Variants in CDH8 observed in about 807,000 individuals in gnomAD.
CDH8 encodes cadherin 8.
CDH8 carries 17 observed loss-of-function variants against 68.1 expected under a neutral mutation model. That is an observed-to-expected ratio of 0.25 (90% CI 0.17 to 0.37). The LOEUF is 0.37. Ranked by LOEUF, CDH8 falls within the 10% of genes least tolerant of loss-of-function variation. CDH8 has a pLI of 1.00. For missense variants in CDH8, 763 were observed against 999.3 expected (o/e 0.76, Z 3.19); for synonymous variants, 372 against 365.1 (o/e 1.02, Z -0.21).
rs1251273184 is a variant in CDH8, at chr16:61,960,238, CATGT to C, written c.253-58769_253-58766del. Among the ~76,000 whole-genome samples, 302 of 45,756 alleles carry C rather than the reference CATGT, an allele frequency of 6.6e-3. 66 individuals are homozygous for C. The highest frequency in any genetic ancestry group is 7.6e-3 in the Non-Finnish European group (198 of 26,086). The allele number at this position is 45,756 out of a possible 152,430, so 30.0% of individuals were successfully genotyped here. On this transcript the variant is annotated intron_variant, in intron 2 of 11. Coordinates refer to ENST00000577390, the MANE Select transcript of CDH8 (RefSeq NM_001796.5). ...GTGTGTGTGTATACACACATATATA[CATGT>C]GTGTGTGTATACACATACATATATA...
intron 2 of CDH8, among the ~76,000 whole-genome samples, chr16:61,982,674 C>T (rs1014592880): frequency 6.6e-6 from 1 of 152,184 alleles, no homozygotes; most frequent in African/African-American, 2.4e-5. Flanking sequence ...GGTCCATAGA[C>T]AGTACTCAGT....
intron 2 of CDH8, among the ~76,000 whole-genome samples, chr16:61,963,352 T>C (rs1965191603): frequency 6.6e-6 from 1 of 152,238 alleles, no homozygotes; most frequent in Non-Finnish European, 1.5e-5. Flanking sequence ...ATCTACAACA[T>C]TTTTACTTTT....
At position 61,737,119 on chromosome 16, in the gene CDH8, T is replaced by G. The variant is rs550453227; in HGVS notation, c.1415-9904A>C. ...TGAATTGCCCATTAATTTTGCCCTT[T>G]TATAATGAAAGGTAATGGAATACTG... On this transcript the variant is annotated intron_variant, in intron 8 of 11. Coordinates refer to ENST00000577390, the MANE Select transcript of CDH8 (RefSeq NM_001796.5). Among the ~76,000 whole-genome samples, 3 of 152,288 alleles carry G rather than the reference T, an allele frequency of 2.0e-5. No homozygotes were observed. In the South Asian group the frequency reaches 6.2e-4, roughly 32 times the overall value.
At chr16:61,724,561 A>G (rs1235177624) in intron 9 of CDH8, among the ~76,000 whole-genome samples, 1 of 150,654 alleles carries the variant, frequency 6.6e-6, no homozygotes, top group African/African-American at 2.4e-5. Context: ...CAGGAAGCTG[A>G]TCCCCTGAGT....
intron 2 of CDH8, among the ~76,000 whole-genome samples, chr16:61,932,999 G>C (rs937125609): frequency 1.3e-5 from 2 of 152,112 alleles, no homozygotes; most frequent in Non-Finnish European, 2.9e-5. Flanking sequence ...CCATTCTTTG[G>C]TCAGTATAAA....
intron 2 of CDH8, among the ~76,000 whole-genome samples, chr16:61,917,401 G>T (rs1964258097): frequency 6.6e-6 from 1 of 152,134 alleles, no homozygotes; most frequent in Admixed American, 6.5e-5. Context: ...CTCTGTTCCT[G>T]TCCCTCCTAC....
chr16:62,023,206 C>T (rs537846274), intron 1 of CDH8, among the ~76,000 whole-genome samples: 9 of 152,278 alleles, frequency 5.9e-5, no homozygotes, highest in Admixed American at 5.2e-4. Flanking sequence ...TTGTATCTTT[C>T]TGAATGGTCA....
intron 2 of CDH8, among the ~76,000 whole-genome samples, chr16:62,007,039 C>G (rs983207488): frequency 6.6e-6 from 1 of 152,062 alleles, no homozygotes; most frequent in Admixed American, 6.6e-5. Context: ...TCCCAAGTAG[C>G]TGGGACTGCA....
At chr16:61,752,839 G>A (rs182452835) in intron 8 of CDH8, among the ~76,000 whole-genome samples, 7 of 152,254 alleles carry the variant, frequency 4.6e-5, no homozygotes, top group Admixed American at 3.3e-4. Context: ...TAAGCTGGAG[G>A]GGGAACAAAA....
chr16:61,763,683 G>T (rs1332341285), intron 8 of CDH8, among the ~76,000 whole-genome samples: 1 of 152,068 alleles, frequency 6.6e-6, no homozygotes, highest in Non-Finnish European at 1.5e-5. Flanking sequence ...TATATCTAGG[G>T]TTTAACTTCA....
chr16:61,789,582 T>C (rs2142994298), intron 7 of CDH8, 100 bp from the exon 8 acceptor site: 2 of 1,134,886 alleles, frequency 1.8e-6, no homozygotes, highest in Non-Finnish European at 2.4e-6. Context: ...ATTTGTGAAA[T>C]CAAATGAATT....
At chr16:62,020,521 CACA>C (rs1302447255) in intron 2 of CDH8, among the ~76,000 whole-genome samples, 5 of 151,822 alleles carry the variant, frequency 3.3e-5, no homozygotes, top group Non-Finnish European at 5.9e-5. Context: ...CACACACACA[CACA>C]CTCCACTAAA....
chr16:61,946,907 G>A (rs552099001), intron 2 of CDH8, among the ~76,000 whole-genome samples: 1 of 152,238 alleles, frequency 6.6e-6, no homozygotes, highest in South Asian at 2.1e-4. Context: ...ACAATCTTAG[G>A]TGCAGAATTT....
At chr16:61,733,047 A>T (rs1488038968) in intron 8 of CDH8, among the ~76,000 whole-genome samples, 1 of 151,912 alleles carries the variant, frequency 6.6e-6, no homozygotes, top group Admixed American at 6.6e-5. Flanking sequence ...ACACAATATT[A>T]TATAAAGTAA....
intron 2 of CDH8, among the ~76,000 whole-genome samples, chr16:61,921,269 T>C (rs1964362206): frequency 1.4e-5 from 2 of 146,186 alleles, no homozygotes; most frequent in Non-Finnish European, 3.0e-5. Context: ...ATAATAATAA[T>C]AATAAAAGAA....
intron 4 of CDH8, among the ~76,000 whole-genome samples, chr16:61,829,085 A>G (rs149756834): frequency 1.6e-4 from 25 of 151,684 alleles, no homozygotes; most frequent in African/African-American, 6.0e-4. Flanking sequence ...TAACTCCTTT[A>G]CTTTCTGGCT....
At chr16:61,954,527 C>T (rs1964952792) in intron 2 of CDH8, among the ~76,000 whole-genome samples, 1 of 151,662 alleles carries the variant, frequency 6.6e-6, no homozygotes, top group South Asian at 2.1e-4. Flanking sequence ...CGGTGAAACC[C>T]TGTCTCTACT....
intron 7 of CDH8, among the ~76,000 whole-genome samples, chr16:61,817,053 C>G (rs1962091430): frequency 6.6e-6 from 1 of 151,984 alleles, no homozygotes; most frequent in African/African-American, 2.4e-5. Context: ...CCTCTAAATT[C>G]TAATATATAA....
chr16:62,024,651 T>A (rs1597133248), intron 1 of CDH8, among the ~76,000 whole-genome samples: 1 of 152,148 alleles, frequency 6.6e-6, no homozygotes, highest in East Asian at 1.9e-4. Context: ...CTAGTCAGGA[T>A]AAGTAGGTTA....
Sources: allele counts gnomAD v4.1 joint callset (sites outside exome capture counted in the v4.1 genomes callset), GRCh38; gene constraint gnomAD v4.1.1; transcripts MANE v1.5; gene names NCBI Gene and HGNC (gene_info 2026-07-23, HGNC 2026-07-21).